Variants in AMPH observed in about 807,000 individuals in gnomAD.
AMPH encodes the protein amphiphysin (Stiff-Mann syndrome with breast cancer 128kD autoantigen).
In AMPH, 49 loss-of-function variants were observed where a neutral mutation model predicts 99.1. That is an observed-to-expected ratio of 0.49 (90% CI 0.39 to 0.63). The LOEUF (loss-of-function observed/expected upper bound fraction) is 0.63, where lower values mean the gene tolerates loss of function less well. AMPH is among the 20% of genes least tolerant of loss of function. The pLI, the probability that AMPH is intolerant of heterozygous loss-of-function variation, is 0.00. For missense variants in AMPH, 759 were observed against 863.4 expected, an observed-to-expected ratio of 0.88 and a Z score of 1.52; for synonymous variants, 314 against 317.3, an observed-to-expected ratio of 0.99 and a Z score of 0.11.
rs554794959 is a variant in AMPH at position 38,535,016 on chromosome 7, T to G, written c.70-5A>C. 4.7e-5 allele frequency: 76 copies of G among 1,612,742 alleles called. No homozygotes were observed. The highest frequency in any genetic ancestry group is 6.2e-5 in the Non-Finnish European group (73 of 1,178,954). On this transcript the variant is annotated splice_polypyrimidine_tract_variant and splice_region_variant and intron_variant, in intron 1 of 20. Transcript: ENST00000356264. Reference sequence around the variant, plus strand: ...TTTCCCCAGCTTTTGGAGGACCTAATTTGCAAATAAAACAAAATGGTTTAA... The same window carrying G: ...TTTCCCCAGCTTTTGGAGGACCTAAGTTGCAAATAAAACAAAATGGTTTAA...
At chr7:38,542,125 A>T (rs1790829758) in intron 1 of AMPH, among the ~76,000 whole-genome samples, 1 of 152,208 alleles carries the variant, frequency 6.6e-6, no homozygotes, top group Non-Finnish European at 1.5e-5. Flanking sequence ...AGCATCCAAG[A>T]TGGTCCTCTT....
chr7:38,623,480 T>A (rs1452131247), intron 1 of AMPH, among the ~76,000 whole-genome samples: 1 of 152,212 alleles, frequency 6.6e-6, no homozygotes, highest in Non-Finnish European at 1.5e-5. Context: ...TATTTTTAAT[T>A]TTTGAAGTTT....
At chr7:38,399,548 CTT>C (rs1053959266) in intron 17 of AMPH, among the ~76,000 whole-genome samples, 15 of 152,264 alleles carry the variant, frequency 9.9e-5, no homozygotes, top group African/African-American at 3.4e-4. Context: ...AGTTATACCT[CTT>C]ATTATTATTG....
intron 11 of AMPH, among the ~76,000 whole-genome samples, chr7:38,443,149 C>A (rs1284320658): frequency 6.6e-6 from 1 of 151,970 alleles, no homozygotes; most frequent in Non-Finnish European, 1.5e-5. Flanking sequence ...ATGAGAAACA[C>A]AAACTACAAA....
chr7:38,569,714 G>C (rs1791875178), intron 1 of AMPH, among the ~76,000 whole-genome samples: 3 of 152,112 alleles, frequency 2.0e-5, no homozygotes, highest in Admixed American at 2.0e-4. Flanking sequence ...TTGACAGGTG[G>C]GGAGGTATAA....
At chr7:38,575,026 C>T (rs1180828927) in intron 1 of AMPH, among the ~76,000 whole-genome samples, 1 of 141,052 alleles carries the variant, frequency 7.1e-6, no homozygotes, top group Non-Finnish European at 1.5e-5. Flanking sequence ...TGCACTCCAG[C>T]CTGGTGACAG....
At chr7:38,458,072 G>T (rs1787300892) in intron 11 of AMPH, among the ~76,000 whole-genome samples, 1 of 152,096 alleles carries the variant, frequency 6.6e-6, no homozygotes, top group African/African-American at 2.4e-5. Flanking sequence ...AGATTGCGGA[G>T]GGATGGAGGG....
chr7:38,562,639 T>C (rs1285806215), intron 1 of AMPH, among the ~76,000 whole-genome samples: 4 of 149,918 alleles, frequency 2.7e-5, no homozygotes, highest in African/African-American at 4.9e-5. Flanking sequence ...AAAGGAATCA[T>C]GATATGAGCA....
chr7:38,467,698 A>G lies in AMPH; in HGVS notation c.591-1450T>C, dbSNP rs888086341. Among the ~76,000 whole-genome samples the G allele has an allele frequency of 2.6e-4, 17 of 66,038 alleles. No individual in the cohort carries two copies. In the East Asian group the frequency reaches 0.015, roughly 58 times the overall value. The allele number at this position is 66,038 out of a possible 152,430, so 43.3% of individuals were successfully genotyped here. A position where few individuals can be genotyped will look rare whatever the true frequency, so the allele number is the denominator to read the frequency against. On this transcript the variant is annotated intron_variant, in intron 7 of 20. Transcript: ENST00000356264. ...ATAAGCAGATTTTATATATATGTGT[A>G]TATATATATATTAGAAATAAGCAGC... is the stretch of plus-strand genomic sequence containing the variant.
chr7:38,492,567 T>G (rs1293938335), intron 4 of AMPH, among the ~76,000 whole-genome samples: 1 of 152,226 alleles, frequency 6.6e-6, no homozygotes, highest in Non-Finnish European at 1.5e-5. Context: ...ATTCAAGAAT[T>G]TCATGCAAAC....
intron 1 of AMPH, among the ~76,000 whole-genome samples, chr7:38,547,005 G>A (rs78736505): frequency 0.014 from 2,121 of 152,178 alleles, 48 homozygotes; most frequent in African/African-American, 0.049. Context: ...ATGCAAGGGC[G>A]GGCAAAGGTG....
At chr7:38,583,529 T>C (rs1792541399) in intron 1 of AMPH, among the ~76,000 whole-genome samples, 1 of 152,220 alleles carries the variant, frequency 6.6e-6, no homozygotes, top group East Asian at 1.9e-4. Flanking sequence ...AATACTTACA[T>C]GTAGACATTC....
chr7:38,490,159 T>C (rs577681626), intron 5 of AMPH, among the ~76,000 whole-genome samples: 1 of 152,214 alleles, frequency 6.6e-6, no homozygotes, highest in Non-Finnish European at 1.5e-5. Flanking sequence ...CTTACAGAAT[T>C]TTTAACAATT....
At chr7:38,493,433 T>C (rs1788804453) in intron 4 of AMPH, among the ~76,000 whole-genome samples, 1 of 152,120 alleles carries the variant, frequency 6.6e-6, no homozygotes, top group Non-Finnish European at 1.5e-5. Context: ...ACAAAGGCAA[T>C]AAGTGTCTTA....
chr7:38,443,303 A>T (rs978592178), intron 11 of AMPH, among the ~76,000 whole-genome samples: 1 of 152,108 alleles, frequency 6.6e-6, no homozygotes, highest in African/African-American at 2.4e-5. Flanking sequence ...TAAGCAACAA[A>T]TAATACCAAC....
At chr7:38,554,076 C>T (rs1791279091) in intron 1 of AMPH, among the ~76,000 whole-genome samples, 1 of 152,218 alleles carries the variant, frequency 6.6e-6, no homozygotes, top group African/African-American at 2.4e-5. Context: ...CACACTCCTC[C>T]AATTCCCCTG....
chr7:38,411,856 A>G (rs1785226381), intron 17 of AMPH, among the ~76,000 whole-genome samples: 2 of 152,214 alleles, frequency 1.3e-5, no homozygotes, highest in African/African-American at 4.8e-5. Context: ...ATTGGGCCCA[A>G]TACATATTCA....
At chr7:38,525,835 T>A (rs537601762) in intron 2 of AMPH, among the ~76,000 whole-genome samples, 1 of 152,340 alleles carries the variant, frequency 6.6e-6, no homozygotes, top group Admixed American at 6.5e-5. Context: ...ACAGTTTGTT[T>A]AACTATTCAC....
At chr7:38,590,140 G>A (rs913440647) in intron 1 of AMPH, among the ~76,000 whole-genome samples, 2 of 151,680 alleles carry the variant, frequency 1.3e-5, no homozygotes, top group African/African-American at 4.9e-5. Flanking sequence ...TCCAAGGAAT[G>A]GAACCTTGAG....
Sources: allele counts gnomAD v4.1 joint callset (sites outside exome capture counted in the v4.1 genomes callset), GRCh38; gene constraint gnomAD v4.1.1; transcripts MANE v1.5; gene names NCBI Gene and HGNC (gene_info 2026-07-23, HGNC 2026-07-21).